The following ZNF385D variants were observed in gnomAD, a reference collection of about 807,000 sequenced individuals.
ZNF385D encodes the protein zinc finger protein 659.
A neutral mutation model predicts 35.8 loss-of-function variants in ZNF385D; 15 were observed. The observed-to-expected ratio is 0.42, with a 90% confidence interval of 0.28 to 0.64. The LOEUF (loss-of-function observed/expected upper bound fraction) is 0.64. Among genes scored for constraint, ZNF385D ranks in the 30% least tolerant of loss-of-function variants. The pLI is 0.23. For missense variants in ZNF385D, 474 were observed against 494.6 expected (o/e 0.96, Z 0.39); for synonymous variants, 212 against 186.8 (o/e 1.13, Z -1.10).
intron 1 of ZNF385D, among the ~76,000 whole-genome samples, chr3:21,706,839 G>GATAA: frequency 7.8e-6 from 1 of 127,746 alleles, no homozygotes; most frequent in East Asian, 2.5e-4. Flanking sequence ...TAGATAGATA[G>GATAA]ATAGATAGAT....
chr3:21,826,507 A>G (rs1257454360), intron 3 of ZNF385D, among the ~76,000 whole-genome samples: 3 of 152,260 alleles, frequency 2.0e-5, no homozygotes, highest in South Asian at 2.1e-4. Flanking sequence ...CAAGGGGTGG[A>G]GAAGAAGAGG....
intron 2 of ZNF385D, among the ~76,000 whole-genome samples, chr3:21,655,507 C>T (rs548921574): frequency 5.3e-5 from 8 of 152,066 alleles, no homozygotes; most frequent in Admixed American, 1.3e-4. Context: ...AGCAAAAATA[C>T]GTGTGCTGGT....
intron 3 of ZNF385D, among the ~76,000 whole-genome samples, chr3:21,952,468 A>C (rs961626137): frequency 1.3e-5 from 2 of 151,988 alleles, no homozygotes; most frequent in Admixed American, 6.6e-5. Flanking sequence ...AGAATTATTA[A>C]AATGTGAAAA....
intron 2 of ZNF385D, among the ~76,000 whole-genome samples, chr3:21,602,517 C>CCTTTTTTTTTTT (rs2064333283): frequency 1.6e-5 from 1 of 62,710 alleles, no homozygotes; most frequent in African/African-American, 7.6e-5. Context: ...CCTGCATTTT[C>CCTTTTTTTTTTT]TTTTTTTTTT....
chr3:21,823,754 G>T (rs546538462), intron 3 of ZNF385D, among the ~76,000 whole-genome samples: 1 of 152,108 alleles, frequency 6.6e-6, no homozygotes, highest in Non-Finnish European at 1.5e-5. Context: ...AATGCAAATG[G>T]AGCACGTACT....
chr3:22,158,537 G>A (rs532908689), intron 3 of ZNF385D, among the ~76,000 whole-genome samples: 1 of 152,110 alleles, frequency 6.6e-6, no homozygotes, highest in African/African-American at 2.4e-5. Context: ...CGCAATTTTG[G>A]AAGCAAGGAA....
intron 2 of ZNF385D, among the ~76,000 whole-genome samples, chr3:21,584,321 T>G (rs2063751447): frequency 6.6e-6 from 1 of 152,160 alleles, no homozygotes; most frequent in East Asian, 1.9e-4. Flanking sequence ...AACTGAAATA[T>G]TCTGTCTTTT....
At chr3:21,739,149 A>G (rs564573775) in intron 1 of ZNF385D, among the ~76,000 whole-genome samples, 5 of 152,298 alleles carry the variant, frequency 3.3e-5, no homozygotes, top group African/African-American at 1.2e-4. Context: ...ACACCATCCA[A>G]CTGAGCAAGG....
chr3:21,852,496 A>G (rs1419922763), intron 3 of ZNF385D, among the ~76,000 whole-genome samples: 4 of 151,908 alleles, frequency 2.6e-5, no homozygotes, highest in African/African-American at 9.7e-5. Flanking sequence ...CTTTTGAGGC[A>G]TCAAAATCAG....
At chr3:21,696,683 T>A (rs1053073244) in intron 1 of ZNF385D, among the ~76,000 whole-genome samples, 1 of 152,234 alleles carries the variant, frequency 6.6e-6, no homozygotes, top group Non-Finnish European at 1.5e-5. Flanking sequence ...TCATTGTCCA[T>A]CAAGCTTCTA....
At chr3:22,175,529 G>C (rs2125769712) in intron 2 of ZNF385D, among the ~76,000 whole-genome samples, 1 of 152,032 alleles carries the variant, frequency 6.6e-6, no homozygotes, top group East Asian at 1.9e-4. Flanking sequence ...TGCCCATGCA[G>C]GATTTAAGTT....
At chr3:22,139,013 G>C (rs1350763589) in intron 3 of ZNF385D, among the ~76,000 whole-genome samples, 2 of 152,186 alleles carry the variant, frequency 1.3e-5, no homozygotes, top group African/African-American at 4.8e-5. Context: ...CAAAGGATAT[G>C]AACAGACACT....
At chr3:22,139,218 G>C (rs1704342565) in intron 3 of ZNF385D, among the ~76,000 whole-genome samples, 7 of 152,084 alleles carry the variant, frequency 4.6e-5, no homozygotes, top group Admixed American at 3.3e-4. Flanking sequence ...GATTCCTCAG[G>C]GATCTAGAAC....
chr3:22,030,287 A>ATATATATATATGTATG (rs1697898616), intron 3 of ZNF385D, among the ~76,000 whole-genome samples: 2 of 97,420 alleles, frequency 2.1e-5, no homozygotes, highest in East Asian at 3.4e-4. Flanking sequence ...ATATATATAT[A>ATATATATATATGTATG]TATATATATA....
At chr3:22,204,528 A>G (rs958131443) in intron 2 of ZNF385D, among the ~76,000 whole-genome samples, 1 of 152,076 alleles carries the variant, frequency 6.6e-6, no homozygotes, top group Non-Finnish European at 1.5e-5. Flanking sequence ...GACACAAGGG[A>G]CCAATCCCAG....
intron 3 of ZNF385D, among the ~76,000 whole-genome samples, chr3:22,131,984 TG>T (rs985848792): frequency 2.6e-5 from 4 of 152,156 alleles, no homozygotes; most frequent in African/African-American, 9.7e-5. Context: ...TATGTTCACC[TG>T]TAGGGGTGCA....
chr3:21,597,510 G>T (rs1275784725), intron 2 of ZNF385D, among the ~76,000 whole-genome samples: 1 of 152,130 alleles, frequency 6.6e-6, no homozygotes, highest in Non-Finnish European at 1.5e-5. Flanking sequence ...GAGAGAATGA[G>T]AGTGATTTTT....
intron 2 of ZNF385D, among the ~76,000 whole-genome samples, chr3:22,193,470 A>C (rs903242784): frequency 6.6e-6 from 1 of 152,094 alleles, no homozygotes; most frequent in Non-Finnish European, 1.5e-5. Flanking sequence ...CATAGGATGC[A>C]TGAGATCTAA....
intron 2 of ZNF385D, among the ~76,000 whole-genome samples, chr3:22,210,970 A>G (rs188577784): frequency 4.9e-4 from 75 of 152,128 alleles, no homozygotes; most frequent in South Asian, 1.0e-3. Context: ...GATATTCCTT[A>G]AAACAAGTTT....
Sources: gnomAD v4.1 joint callset for allele counts (sites outside exome capture counted in the v4.1 genomes callset) on GRCh38, gnomAD v4.1.1 for gene constraint, MANE v1.5 for transcripts, NCBI Gene and HGNC (gene_info 2026-07-23, HGNC 2026-07-21) for gene names.